ERC2: variants seen among roughly 807,000 people sequenced by gnomAD.
The protein encoded by ERC2 is ERC protein 2.
ERC2 carries 42 observed loss-of-function variants against 114.8 expected under a neutral mutation model. The ratio of observed to expected loss-of-function variants is 0.37; its 90% CI spans 0.29 to 0.47. The LOEUF is 0.47. Ranked by LOEUF, ERC2 falls within the 20% of genes least tolerant of loss-of-function variation. ERC2 has a pLI of 0.99. For missense variants in ERC2, 939 were observed against 1,150.7 expected (o/e 0.82, Z 2.66); for synonymous variants, 454 against 425.5 (o/e 1.07, Z -0.82).
chr3:56,394,055 A>G (rs527409874), intron 2 of ERC2, among the ~76,000 whole-genome samples: 1 of 152,274 alleles, frequency 6.6e-6, no homozygotes, highest in South Asian at 2.1e-4. Context: ...TTTCTCTACT[A>G]GCTAAAAGGC....
intron 13 of ERC2, among the ~76,000 whole-genome samples, chr3:55,936,617 G>T (rs1272582671): frequency 6.6e-6 from 1 of 152,192 alleles, no homozygotes; most frequent in Non-Finnish European, 1.5e-5. Context: ...ACACATACCT[G>T]AAGAAAGAAC....
intron 7 of ERC2, among the ~76,000 whole-genome samples, chr3:56,043,346 T>A (rs1443681550): frequency 7.9e-5 from 12 of 152,186 alleles, no homozygotes; most frequent in Non-Finnish European, 1.2e-4. Context: ...CAGAAAATGA[T>A]TAAGAATTTT....
intron 2 of ERC2, among the ~76,000 whole-genome samples, chr3:56,392,610 T>C (rs570918999): frequency 6.6e-6 from 1 of 152,334 alleles, no homozygotes; most frequent in African/African-American, 2.4e-5. Flanking sequence ...AAATGTCCTC[T>C]TCCAGGGCAA....
chr3:55,828,927 C>G (rs1463576699), intron 14 of ERC2, among the ~76,000 whole-genome samples: 1 of 152,108 alleles, frequency 6.6e-6, no homozygotes, highest in Non-Finnish European at 1.5e-5. Flanking sequence ...TGACTTGAGC[C>G]AAGAATTCCA....
chr3:55,796,973 T>G (rs943421729), intron 14 of ERC2, among the ~76,000 whole-genome samples: 3 of 152,220 alleles, frequency 2.0e-5, no homozygotes, highest in African/African-American at 7.2e-5. Flanking sequence ...AGGCTTTAAT[T>G]CAAACACCTT....
At chr3:55,522,189 T>C (rs2053001105) in intron 17 of ERC2, among the ~76,000 whole-genome samples, 2 of 152,166 alleles carry the variant, frequency 1.3e-5, no homozygotes, top group African/African-American at 4.8e-5. Flanking sequence ...GGAAATAGTC[T>C]TCTCTGGGGG....
intron 17 of ERC2, among the ~76,000 whole-genome samples, chr3:55,579,160 T>A (rs2057133686): frequency 6.6e-6 from 1 of 152,240 alleles, no homozygotes; most frequent in Admixed American, 6.5e-5. Context: ...ATAGGAATCC[T>A]GAAAATTGGG....
chr3:56,321,056 G>A (rs1305570698), intron 2 of ERC2, among the ~76,000 whole-genome samples: 2 of 152,034 alleles, frequency 1.3e-5, no homozygotes, highest in Non-Finnish European at 2.9e-5. Flanking sequence ...CACTTCACTG[G>A]CCAAAGAAAG....
chr3:56,420,580 C>T (rs2061347290), intron 2 of ERC2, among the ~76,000 whole-genome samples: 1 of 151,936 alleles, frequency 6.6e-6, no homozygotes, highest in South Asian at 2.1e-4. Context: ...ACCAAAGTCT[C>T]CAATGAAACT....
intron 17 of ERC2, among the ~76,000 whole-genome samples, chr3:55,670,272 A>C (rs1004861297): frequency 5.9e-5 from 9 of 152,338 alleles, no homozygotes; most frequent in Admixed American, 4.6e-4. Context: ...CATTCTACTC[A>C]TGAAAAAAGG....
chr3:56,155,963 C>T (rs1273889201), intron 4 of ERC2, among the ~76,000 whole-genome samples: 1 of 152,074 alleles, frequency 6.6e-6, no homozygotes, highest in Non-Finnish European at 1.5e-5. Flanking sequence ...GATAATCAGT[C>T]TTCAGAATCA....
intron 7 of ERC2, among the ~76,000 whole-genome samples, chr3:56,060,822 C>T (rs1001962440): frequency 6.6e-6 from 1 of 152,246 alleles, no homozygotes; most frequent in South Asian, 2.1e-4. Flanking sequence ...CCCTCTTCTG[C>T]CCCTGCCCCT....
At chr3:56,086,717 T>C (rs1301463582) in intron 6 of ERC2, among the ~76,000 whole-genome samples, 1 of 152,094 alleles carries the variant, frequency 6.6e-6, no homozygotes, top group Non-Finnish European at 1.5e-5. Flanking sequence ...AATTAGAATA[T>C]CTAGTTCCAA....
intron 14 of ERC2, among the ~76,000 whole-genome samples, chr3:55,767,912 G>A (rs1281477829): frequency 6.6e-6 from 1 of 152,178 alleles, no homozygotes; most frequent in African/African-American, 2.4e-5. Context: ...ATGTCAAACT[G>A]TACTCCCCAG....
chr3:56,017,785 G>C (rs1188094601), intron 8 of ERC2, among the ~76,000 whole-genome samples: 2 of 152,018 alleles, frequency 1.3e-5, no homozygotes, highest in African/African-American at 2.4e-5. Context: ...ACCTCCACTA[G>C]AGTCTAAACT....
chr3:55,827,581 A>C (rs1345591492), intron 14 of ERC2, among the ~76,000 whole-genome samples: 3 of 152,218 alleles, frequency 2.0e-5, no homozygotes, highest in African/African-American at 7.2e-5. Flanking sequence ...TGATTGAATA[A>C]TCACTACACA....
chr3:55,514,603 G>C (rs1342633114), intron 17 of ERC2, among the ~76,000 whole-genome samples: 1 of 152,188 alleles, frequency 6.6e-6, no homozygotes, highest in Non-Finnish European at 1.5e-5. Flanking sequence ...AGGGAGCCAG[G>C]GGCAAGGACC....
At chr3:56,228,388 G>A (rs1043469274) in intron 3 of ERC2, among the ~76,000 whole-genome samples, 1 of 152,014 alleles carries the variant, frequency 6.6e-6, no homozygotes, top group African/African-American at 2.4e-5. Context: ...CCAGCTATTG[G>A]CAACCATCAT....
At chr3:56,298,846 T>G (rs970183213) in intron 2 of ERC2, among the ~76,000 whole-genome samples, 17 of 152,154 alleles carry the variant, frequency 1.1e-4, no homozygotes, top group African/African-American at 4.1e-4. Flanking sequence ...GAGTGAATTG[T>G]ATGGTACATA....
Sources: gnomAD v4.1 joint callset for allele counts (sites outside exome capture counted in the v4.1 genomes callset) on GRCh38, gnomAD v4.1.1 for gene constraint, MANE v1.5 for transcripts, NCBI Gene and HGNC (gene_info 2026-07-23, HGNC 2026-07-21) for gene names.